HDAC9: variants seen among roughly 807,000 people sequenced by gnomAD.
HDAC9 encodes MEF-2 interacting transcription repressor (MITR) protein.
HDAC9 carries 41 observed loss-of-function variants against 139.4 expected under a neutral mutation model. The observed-to-expected ratio is 0.29, with a 90% CI of 0.23 to 0.38. HDAC9 has a LOEUF of 0.38. Ranked by LOEUF, HDAC9 falls within the 10% of genes least tolerant of loss-of-function variation. HDAC9 has a pLI of 1.00. For missense variants in HDAC9, 1,147 were observed against 1,297.0 expected (o/e 0.88, Z 1.78); for synonymous variants, 517 against 476.2 (o/e 1.09, Z -1.12).
chr7:18,738,869 C>G (rs954791671), intron 13 of HDAC9, among the ~76,000 whole-genome samples: 6 of 152,144 alleles, frequency 3.9e-5, no homozygotes, highest in African/African-American at 1.4e-4. Flanking sequence ...CAAGTTGTTT[C>G]CCTTCTCCTC....
At chr7:18,809,809 G>A (rs1459507865) in intron 17 of HDAC9, among the ~76,000 whole-genome samples, 1 of 151,826 alleles carries the variant, frequency 6.6e-6, no homozygotes, top group African/African-American at 2.4e-5. Flanking sequence ...AAAACAGTAT[G>A]GAATTTCCAC....
At chr7:18,242,136 CA>C (rs112755659) in intron 2 of HDAC9, among the ~76,000 whole-genome samples, 4,865 of 152,272 alleles carry the variant, frequency 0.032, 96 homozygotes, top group Middle Eastern at 0.068. Context: ...CCCCAATACA[CA>C]GCATTCTACC....
At chr7:18,369,956 T>C (rs148771435) in intron 1 of HDAC9, among the ~76,000 whole-genome samples, 118 of 152,260 alleles carry the variant, frequency 7.7e-4, no homozygotes, top group African/African-American at 2.7e-3. Flanking sequence ...TGCAATAATT[T>C]TTTTTTGTAG....
intron 17 of HDAC9, among the ~76,000 whole-genome samples, chr7:18,827,748 T>C (rs985541706): frequency 6.6e-6 from 1 of 152,226 alleles, no homozygotes; most frequent in African/African-American, 2.4e-5. Flanking sequence ...AATTATATTC[T>C]TGTATTATAT....
chr7:18,906,470 G>A (rs1013759026), intron 22 of HDAC9, among the ~76,000 whole-genome samples: 3 of 152,102 alleles, frequency 2.0e-5, no homozygotes, highest in African/African-American at 7.2e-5. Flanking sequence ...AGATATAAAT[G>A]TCTTTTTCTA....
intron 21 of HDAC9, among the ~76,000 whole-genome samples, chr7:18,859,377 G>A (rs943474987): frequency 6.6e-6 from 1 of 151,514 alleles, no homozygotes; most frequent in African/African-American, 2.4e-5. Context: ...CTAGATCTTG[G>A]GCTGATCTCC....
intron 21 of HDAC9, among the ~76,000 whole-genome samples, chr7:18,862,808 AT>A (rs1798210587): frequency 6.6e-6 from 1 of 152,238 alleles, no homozygotes; most frequent in Non-Finnish European, 1.5e-5. Flanking sequence ...TTTGAGAAGA[AT>A]TATGAAGACA....
At chr7:18,863,360 C>T (rs759832841) in intron 21 of HDAC9, among the ~76,000 whole-genome samples, 12 of 152,306 alleles carry the variant, frequency 7.9e-5, no homozygotes, top group South Asian at 4.1e-4. Flanking sequence ...GGGCCCAGGA[C>T]GGCTTTGAAC....
chr7:18,859,086 A>G (rs1286882901), intron 21 of HDAC9, among the ~76,000 whole-genome samples: 1 of 152,154 alleles, frequency 6.6e-6, no homozygotes, highest in Non-Finnish European at 1.5e-5. Flanking sequence ...TGCTGAAACA[A>G]CTTGACTGAT....
At chr7:18,951,399 C>A (rs1782785056) in intron 23 of HDAC9, among the ~76,000 whole-genome samples, 1 of 151,740 alleles carries the variant, frequency 6.6e-6, no homozygotes, top group African/African-American at 2.4e-5. Context: ...GCTTTAGATA[C>A]AATTAAGCTG....
rs552967290 is a variant in HDAC9 at position 18,901,851 on chromosome 7, C to A, written c.2803+27255C>A. Among the ~76,000 whole-genome samples, 28 of 152,294 alleles carry A rather than the reference C, an allele frequency of 1.8e-4. No individual in the cohort carries two copies. The South Asian group carries it at 5.4e-3, about 29-fold the overall frequency. On this transcript the variant is annotated intron_variant, in intron 22 of 25. Transcript: ENST00000686413. ...TTTCTAATCTACTGCATTTAACAAG[C>A]AGCTTTCTTTTTTATTTGTCCCAAG...
At chr7:18,889,128 T>C (rs1800444931) in intron 22 of HDAC9, among the ~76,000 whole-genome samples, 1 of 152,196 alleles carries the variant, frequency 6.6e-6, no homozygotes, top group Admixed American at 6.5e-5. Flanking sequence ...CTGCCAACCC[T>C]TTTTTCACTA....
chr7:18,958,637 G>C (rs1783322983), intron 24 of HDAC9, among the ~76,000 whole-genome samples: 1 of 152,126 alleles, frequency 6.6e-6, no homozygotes, highest in African/African-American at 2.4e-5. Flanking sequence ...CGTATCTTTT[G>C]CACAGTCTCT....
chr7:18,171,329 C>T (rs1328161268), intron 2 of HDAC9, among the ~76,000 whole-genome samples: 2 of 152,272 alleles, frequency 1.3e-5, no homozygotes, highest in East Asian at 3.9e-4. Flanking sequence ...TGCTTATCAG[C>T]TTAAGGAGAT....
chr7:18,123,737 C>T (rs1457274897), intron 1 of HDAC9, among the ~76,000 whole-genome samples: 1 of 152,114 alleles, frequency 6.6e-6, no homozygotes, highest in African/African-American at 2.4e-5. Flanking sequence ...AGGGTGAATT[C>T]ATGATTCAAC....
intron 2 of HDAC9, among the ~76,000 whole-genome samples, chr7:18,168,618 T>G (rs946437623): frequency 6.6e-6 from 1 of 151,594 alleles, no homozygotes; most frequent in Non-Finnish European, 1.5e-5. Flanking sequence ...TGTGTTGCAG[T>G]ACTATAATAA....
intron 22 of HDAC9, among the ~76,000 whole-genome samples, chr7:18,907,652 A>G (rs1802382521): frequency 6.6e-6 from 1 of 152,246 alleles, no homozygotes; most frequent in African/African-American, 2.4e-5. Flanking sequence ...AGGTGGACCT[A>G]TAATCCTCTG....
intron 1 of HDAC9, among the ~76,000 whole-genome samples, chr7:18,318,458 A>T (rs766260345): frequency 6.6e-6 from 1 of 152,326 alleles, no homozygotes; most frequent in South Asian, 2.1e-4. Context: ...ATAACTAATG[A>T]ATAACTTCAG....
intron 12 of HDAC9, among the ~76,000 whole-genome samples, chr7:18,725,289 A>G (rs1248174988): frequency 6.6e-6 from 1 of 152,212 alleles, no homozygotes; most frequent in African/African-American, 2.4e-5. Flanking sequence ...GAAGTCCACA[A>G]AGGTAAAATT....
Sources: gnomAD v4.1 joint callset for allele counts (sites outside exome capture counted in the v4.1 genomes callset) on GRCh38, gnomAD v4.1.1 for gene constraint, MANE v1.5 for transcripts, NCBI Gene and HGNC (gene_info 2026-07-23, HGNC 2026-07-21) for gene names.